Variants in FOXO3 observed in about 807,000 individuals in gnomAD.
FOXO3 encodes forkhead box protein O3.
Under a neutral mutation model 41.9 loss-of-function variants are expected in FOXO3, and 4 were observed. The ratio of observed to expected loss-of-function variants is 0.10; its 90% CI spans 0.05 to 0.22. The LOEUF is 0.22. Ranked by LOEUF, FOXO3 falls within the 10% of genes least tolerant of loss-of-function variation. The probability of loss-of-function intolerance (pLI) is 1.00; values close to 1 mark genes in which losing one functional copy is unlikely to be tolerated. For missense variants in FOXO3, 534 were observed against 906.8 expected (o/e 0.59, Z 5.28); for synonymous variants, 318 against 389.3 (o/e 0.82, Z 2.16).
In FOXO3 at chr6:108,565,254, A is replaced by C. The variant is rs193246617; in HGVS notation, c.621+3425A>C. ...AGGATAGCATTTTAACAAAAAGAGGAAGCCCTTGGTTACTTACATTTGTCA... is the reference window on the plus strand; with the variant it reads ...AGGATAGCATTTTAACAAAAAGAGGCAGCCCTTGGTTACTTACATTTGTCA... On this transcript the variant is annotated intron_variant, in intron 1 of 2. Transcript: ENST00000406360. 6.6e-4 allele frequency among the ~76,000 whole-genome samples: 101 copies of C among 152,326 alleles called. 1 individual carries two copies. The highest frequency in any genetic ancestry group is 2.4e-3 in the African/African-American group (99 of 41,576).
chr6:108,679,034 G>A (rs1770741414), intron 2 of FOXO3, among the ~76,000 whole-genome samples: 1 of 151,756 alleles, frequency 6.6e-6, no homozygotes, highest in African/African-American at 2.4e-5. Context: ...ACCGCGCCCG[G>A]CTAATTTTTT....
rs1302925327 is a variant in FOXO3 at position 108,682,959 on chromosome 6, T to TA, written c.*3168dup. ...TTCTCTCCAGGGCTCCAGAACCTGA[T>TA]ACCTGTTACCAAAGCTAGGAAAGAG... On this transcript the variant is annotated 3_prime_UTR_variant, in exon 3 of 3. Transcript: ENST00000406360. The TA allele has an allele frequency of 6.6e-6, 1 of 152,644 alleles. No individual in the cohort carries two copies. The highest frequency in any genetic ancestry group is 2.4e-5 in the African/African-American group (1 of 41,462). The allele number at this position is 152,644 out of a possible 1,614,324, so 9.5% of individuals were successfully genotyped here. A position where few individuals can be genotyped will look rare whatever the true frequency, so the allele number is the denominator to read the frequency against.
chr6:108,571,023 T>C (rs767762527), intron 1 of FOXO3, among the ~76,000 whole-genome samples: 44 of 152,194 alleles, frequency 2.9e-4, no homozygotes, highest in Admixed American at 6.5e-5. Flanking sequence ...TTCCTGATAC[T>C]ACATGTTCAT....
chr6:108,593,289 G>C (rs1306938603), intron 1 of FOXO3, among the ~76,000 whole-genome samples: 4 of 152,248 alleles, frequency 2.6e-5, no homozygotes, highest in Non-Finnish European at 4.4e-5. Context: ...GAAAGAGTGA[G>C]AAAAGGTTGT....
chr6:108,678,743 TC>T (rs1427058039), intron 2 of FOXO3, among the ~76,000 whole-genome samples: 2 of 151,890 alleles, frequency 1.3e-5, no homozygotes, highest in African/African-American at 4.8e-5. Context: ...AAAATCAAAT[TC>T]CTAAGCCAGG....
At chr6:108,646,686 T>G (rs544438586) in intron 1 of FOXO3, among the ~76,000 whole-genome samples, 1 of 152,354 alleles carries the variant, frequency 6.6e-6, no homozygotes, top group South Asian at 2.1e-4. Flanking sequence ...AGGTAGGTTT[T>G]CTTGGAGATG....
chr6:108,577,335 T>C (rs570627164), intron 1 of FOXO3, among the ~76,000 whole-genome samples: 72 of 152,342 alleles, frequency 4.7e-4, no homozygotes, highest in African/African-American at 9.6e-4. Context: ...ACAGCCAACA[T>C]TGAGTTGATC....
chr6:108,560,852 G>C, upstream of FOXO3: 1 of 674,318 alleles, frequency 1.5e-6, no homozygotes, highest in African/African-American at 1.9e-5. Flanking sequence ...GCGGCGGGGG[G>C]AGGGGGCTGC....
chr6:108,590,601 AGAAATCT>A (rs1439206657), intron 1 of FOXO3, among the ~76,000 whole-genome samples: 1 of 152,232 alleles, frequency 6.6e-6, no homozygotes, highest in East Asian at 1.9e-4. Flanking sequence ...CAAAATCTGA[AGAAATCT>A]GAAATCTGAA....
chr6:108,684,515 T>C lies in FOXO3; in HGVS notation c.*4723T>C, dbSNP rs1290421957. The C allele has an allele frequency of 6.6e-6, 1 of 152,558 alleles. No individual in the cohort carries two copies. Among genetic ancestry groups the C allele is most frequent in the Non-Finnish European group, 1.5e-5 (1 of 68,040 alleles). 9.5% of individuals were successfully genotyped at this position (152,558 alleles called of 1,614,324 possible). A position where few individuals can be genotyped will look rare whatever the true frequency, so the allele number is the denominator to read the frequency against. On this transcript the variant is annotated 3_prime_UTR_variant, in exon 3 of 3. Coordinates refer to ENST00000406360, the MANE Select transcript of FOXO3 (RefSeq NM_001455.4). ...TTGAAGCACCTCATCCTTCTTTCAATGCGAACACTATCATATGGCATTCTT... is the reference window on the plus strand; with the variant it reads ...TTGAAGCACCTCATCCTTCTTTCAACGCGAACACTATCATATGGCATTCTT...
intron 1 of FOXO3, among the ~76,000 whole-genome samples, chr6:108,624,044 T>C (rs569766949): frequency 6.6e-6 from 1 of 152,322 alleles, no homozygotes; most frequent in Admixed American, 6.5e-5. Flanking sequence ...GTCAGGAATA[T>C]CATAAAATCA....
chr6:108,661,258 A>G (rs999383894), intron 1 of FOXO3, among the ~76,000 whole-genome samples: 1 of 152,148 alleles, frequency 6.6e-6, no homozygotes, highest in Non-Finnish European at 1.5e-5. Flanking sequence ...CGGGGGGAAC[A>G]TTCTGGTAGA....
intron 1 of FOXO3, among the ~76,000 whole-genome samples, chr6:108,621,426 A>G (rs190849922): frequency 3.3e-5 from 5 of 152,354 alleles, no homozygotes; most frequent in Admixed American, 2.6e-4. Context: ...GCACAGTTCA[A>G]AATCCAATTC....
At chr6:108,653,749 CAGTA>C (rs759453057) in intron 1 of FOXO3, among the ~76,000 whole-genome samples, 1 of 152,314 alleles carries the variant, frequency 6.6e-6, no homozygotes, top group East Asian at 1.9e-4. Flanking sequence ...TTTCCACACA[CAGTA>C]AGTTTTCAAA....
At chr6:108,569,042 T>C (rs1481929798) in intron 1 of FOXO3, among the ~76,000 whole-genome samples, 1 of 152,230 alleles carries the variant, frequency 6.6e-6, no homozygotes, top group African/African-American at 2.4e-5. Flanking sequence ...TAAAGTTTAT[T>C]TTACTCACTT....
chr6:108,621,811 G>A (rs923658473), intron 1 of FOXO3, among the ~76,000 whole-genome samples: 2 of 152,180 alleles, frequency 1.3e-5, no homozygotes, highest in Non-Finnish European at 2.9e-5. Context: ...GGTAGGTAGT[G>A]CCTAGTGACA....
intron 1 of FOXO3, among the ~76,000 whole-genome samples, chr6:108,562,531 A>C (rs1416753815): frequency 6.6e-6 from 1 of 151,950 alleles, no homozygotes; most frequent in Admixed American, 6.6e-5. Flanking sequence ...CGGTCTGGCC[A>C]CCTCAATCCA....
chr6:108,598,482 C>T (rs1438699461), intron 1 of FOXO3, among the ~76,000 whole-genome samples: 7 of 152,140 alleles, frequency 4.6e-5, no homozygotes, highest in Non-Finnish European at 8.8e-5. Flanking sequence ...CACTGGCACG[C>T]ACTGACCCAT....
chr6:108,621,553 T>C (rs967140262), intron 1 of FOXO3, among the ~76,000 whole-genome samples: 2 of 152,030 alleles, frequency 1.3e-5, no homozygotes, highest in African/African-American at 2.4e-5. Context: ...TTTTTTTTGT[T>C]TTGTTTTGTT....
Sources: allele counts gnomAD v4.1 joint callset (sites outside exome capture counted in the v4.1 genomes callset), GRCh38; gene constraint gnomAD v4.1.1; transcripts MANE v1.5; gene names NCBI Gene and HGNC (gene_info 2026-07-23, HGNC 2026-07-21).